LILRB4: variants seen among roughly 807,000 people sequenced by gnomAD.
LILRB4 encodes the protein leukocyte immunoglobulin-like receptor subfamily B member 4.
LILRB4 carries 49 observed loss-of-function variants against 55.2 expected under a neutral mutation model. The ratio of observed to expected loss-of-function variants is 0.89; its 90% CI spans 0.71 to 1.13. LILRB4 has a LOEUF of 1.13. Among genes scored for constraint, LILRB4 ranks in the 50% most tolerant of loss-of-function variants. LILRB4 has a pLI of 0.00. For synonymous variants in LILRB4, 229 were observed against 213.8 expected, an observed-to-expected ratio of 1.07 and a Z score of -0.62; for missense variants, 590 against 555.2, an observed-to-expected ratio of 1.06 and a Z score of -0.63.
chr19:54,665,963 A>G lies in LILRB4; in HGVS notation c.874+32A>G. Reference sequence around the variant, plus strand: ...AGGAAATTGGGGGACCCGTGGGCTGATGGAGGGTGGGCTCAGGGCACCAGC... The same window carrying G: ...AGGAAATTGGGGGACCCGTGGGCTGGTGGAGGGTGGGCTCAGGGCACCAGC... On this transcript the variant is annotated intron_variant, in intron 7 of 11. Transcript: ENST00000430952. This position sits in a 1 kb window ranked among gnomAD's most constrained non-coding sequence, Gnocchi z 5.5. 1 of 1,613,602 alleles carries G rather than the reference A, an allele frequency of 6.2e-7. No homozygotes were observed. The highest frequency in any genetic ancestry group is 8.5e-7 in the Non-Finnish European group (1 of 1,179,730).
intron 1 of LILRB4, 146 bp downstream of exon 1, chr19:54,663,213 G>A (rs545163373): frequency 3.4e-4 from 306 of 912,280 alleles, no homozygotes; most frequent in Middle Eastern, 1.7e-3. Flanking sequence ...TTGGGAGGCC[G>A]AGGCGGGCGG....
rs1378454908 is a variant in LILRB4, at chr19:54,666,285, C to T, written c.920C>T (p.Pro307Leu). The T allele has an allele frequency of 6.2e-7, 1 of 1,609,882 alleles. No homozygotes were observed. The highest frequency in any genetic ancestry group is 1.3e-5 in the African/African-American group (1 of 74,794). The change falls in exon 8 of 12, where the codon CCA becomes CTA. Residue 307 changes from proline to leucine, a missense_variant. Physicochemically the swap from Pro to Leu is moderately conservative, Grantham distance 98. Transcript: ENST00000430952. The surrounding 1 kb of genome is among the most constrained non-coding windows in gnomAD (Gnocchi z 4.8). ...CAACGTCCTCCAGGGGCTGCCGAGCCAGAGCCCAAGGACGGGGGCCTACAG... is the reference window on the plus strand; with the variant it reads ...CAACGTCCTCCAGGGGCTGCCGAGCTAGAGCCCAAGGACGGGGGCCTACAG...
chr19:54,666,762 C>A lies in LILRB4; in HGVS notation c.1041+13C>A. On this transcript the variant is annotated intron_variant, in intron 10 of 11. Coordinates refer to ENST00000430952, the Ensembl canonical transcript of LILRB4. This position sits in a 1 kb window ranked among gnomAD's most constrained non-coding sequence, Gnocchi z 4.8. ...AATGGACACTCGGGTGAGAACCCGC[C>A]CCTGTCCCCGGCACCAAAGGCCTCC... is the stretch of plus-strand genomic sequence containing the variant. 1 of 1,613,208 alleles carries A rather than the reference C, an allele frequency of 6.2e-7. No individual in the cohort carries two copies. Among genetic ancestry groups the A allele is most frequent in the Non-Finnish European group, 8.5e-7 (1 of 1,179,238 alleles).
chr19:54,666,192 G>C lies in LILRB4; in HGVS notation c.875-48G>C. 1 of 1,510,118 alleles carries C rather than the reference G, an allele frequency of 6.6e-7. No homozygotes were observed. The highest frequency in any genetic ancestry group is 8.9e-7 in the Non-Finnish European group (1 of 1,120,964). 93.5% of individuals were successfully genotyped at this position (1,510,118 alleles called of 1,614,324 possible). On this transcript the variant is annotated intron_variant, in intron 7 of 11. Coordinates refer to ENST00000430952, the Ensembl canonical transcript of LILRB4. The surrounding 1 kb of genome is among the most constrained non-coding windows in gnomAD (Gnocchi z 4.8). ...CCTCTTGACTTGCATGTGCAAGGCA[G>C]GTGGTTCTAACGTTCCCAGAGCTGA...
Position 54,664,981 on chromosome 19 carries a change from G to A in LILRB4, c.706+132G>A, listed in dbSNP as rs770312867. 3.0e-5 allele frequency: 41 copies of A among 1,351,288 alleles called. No homozygotes were observed. In the East Asian group the frequency reaches 5.0e-4, roughly 17 times the overall value. The allele number at this position is 1,351,288 out of a possible 1,614,324, so 83.7% of individuals were successfully genotyped here. A position where few individuals can be genotyped will look rare whatever the true frequency, so the allele number is the denominator to read the frequency against. ...TCCACGGGTGTGGGAGTCGGGCAGC[G>A]ACTTGGGAGGCACCACAGGCTCCCA... On this transcript the variant is annotated intron_variant, in intron 5 of 11. Transcript: ENST00000430952.
rs1048527994 is a variant in LILRB4 at position 54,666,652 on chromosome 19, C to T, written c.989-45C>T. On this transcript the variant is annotated intron_variant, in intron 9 of 11. Coordinates refer to ENST00000430952, the Ensembl canonical transcript of LILRB4. The surrounding 1 kb of genome is among the most constrained non-coding windows in gnomAD (Gnocchi z 4.8). ...AGGGACCAGCAGGAATGAGAGGTCC[C>T]AGGGAACCTTCCCAGGAGATGAACC... 1.9e-6 allele frequency: 3 copies of T among 1,601,072 alleles called. No individual in the cohort carries two copies. Among genetic ancestry groups the T allele is most frequent in the African/African-American group, 1.3e-5 (1 of 74,628 alleles).
intron 2 of LILRB4, 63 bp from the exon 3 acceptor site, chr19:54,663,691 G>C (rs1242645324): frequency 6.2e-7 from 1 of 1,608,606 alleles, no homozygotes; most frequent in Admixed American, 1.7e-5. Flanking sequence ...GGGTCCTGGG[G>C]CTGAGAGCTG....
chr19:54,666,527 G>C lies in LILRB4; in HGVS notation c.988+91G>C. The C allele has an allele frequency of 6.6e-7, 1 of 1,519,896 alleles. No homozygotes were observed. The highest frequency in any genetic ancestry group is 9.1e-7 in the Non-Finnish European group (1 of 1,104,430). The allele number at this position is 1,519,896 out of a possible 1,614,324, so 94.2% of individuals were successfully genotyped here. On this transcript the variant is annotated intron_variant, in intron 9 of 11. Transcript: ENST00000430952. This position sits in a 1 kb window ranked among gnomAD's most constrained non-coding sequence, Gnocchi z 4.8. ...GGGGGCAGGAGCACAGGCTAGGATT[G>C]GTCAGGGACTCAGGGAGAAGTGGTC...
rs1299885166 is a variant in LILRB4, at chr19:54,665,206, G to A, written c.757+26G>A. On this transcript the variant is annotated intron_variant, in intron 6 of 11. Coordinates refer to ENST00000430952, the Ensembl canonical transcript of LILRB4. The surrounding 1 kb of genome is among the most constrained non-coding windows in gnomAD (Gnocchi z 5.5). ...GTGAGTGAGGGGCTCTGAGTGGGAG[G>A]TGGGCAGGGTCTAGGGGAGCCAAGG... is the stretch of plus-strand genomic sequence containing the variant. 4 of 1,578,836 alleles carry A rather than the reference G, an allele frequency of 2.5e-6. No homozygotes were observed. Among genetic ancestry groups the A allele is most frequent in the African/African-American group, 2.7e-5 (2 of 74,382 alleles).
chr19:54,663,302 CG>C lies in LILRB4; in HGVS notation c.35-225del, dbSNP rs941491711. ...TCTACTAAAAATACAAAAAATTAGCCGGGGGTGGTTGCAGGCGCCTGTGGTC... is the reference window on the plus strand; with the variant it reads ...TCTACTAAAAATACAAAAAATTAGCCGGGGTGGTTGCAGGCGCCTGTGGTC... On this transcript the variant is annotated intron_variant, in intron 1 of 11. Transcript: ENST00000430952. Among the ~76,000 whole-genome samples the C allele has an allele frequency of 9.2e-5, 14 of 151,908 alleles. 1 individual carries two copies. The highest frequency in any genetic ancestry group is 5.9e-4 in the Admixed American group (9 of 15,268).
Position 54,665,756 on chromosome 19 carries a change from A to G in LILRB4, c.758-59A>G, listed in dbSNP as rs557423818. 9.7e-6 allele frequency: 15 copies of G among 1,551,066 alleles called. No individual in the cohort carries two copies. The South Asian group carries it at 1.7e-4, about 17-fold the overall frequency. On this transcript the variant is annotated intron_variant, in intron 6 of 11. Transcript: ENST00000430952. The surrounding 1 kb of genome is among the most constrained non-coding windows in gnomAD (Gnocchi z 5.5). ...GACCCAGCACACACAGTAGGTGCAC[A>G]CACAGTAGGTGTGCACATCAATGAC...
At position 54,666,526 on chromosome 19, in the gene LILRB4, T is replaced by G; in HGVS notation, c.988+90T>G. 2 of 1,528,424 alleles carry G rather than the reference T, an allele frequency of 1.3e-6. No individual in the cohort carries two copies. The highest frequency in any genetic ancestry group is 1.8e-6 in the Non-Finnish European group (2 of 1,111,118). The allele number at this position is 1,528,424 out of a possible 1,614,324, so 94.7% of individuals were successfully genotyped here. On this transcript the variant is annotated intron_variant, in intron 9 of 11. Transcript: ENST00000430952. This position sits in a 1 kb window ranked among gnomAD's most constrained non-coding sequence, Gnocchi z 4.8. ...TGGGGGCAGGAGCACAGGCTAGGATTGGTCAGGGACTCAGGGAGAAGTGGT... is the reference window on the plus strand; with the variant it reads ...TGGGGGCAGGAGCACAGGCTAGGATGGGTCAGGGACTCAGGGAGAAGTGGT...
chr19:54,663,046 T>C (rs28366008), exon 1 of LILRB4: 405,932 of 1,613,290 alleles, frequency 0.25, 52,779 homozygotes, highest in African/African-American at 0.43. Context: ...GATCCCCACC[T>C]TCACGGCTCT....
chr19:54,666,306 T>G lies in LILRB4; in HGVS notation c.941T>G (p.Leu314Arg). ...GAGCCAGAGCCCAAGGACGGGGGCC[T>G]ACAGAGGAGGTAATTCTGCCCAAAG... Residue 314 changes from leucine to arginine, a missense_variant, in exon 8 of 12, where the codon CTA becomes CGA. Physicochemically the swap from Leu to Arg is moderately radical, Grantham distance 102. Coordinates refer to ENST00000430952, the Ensembl canonical transcript of LILRB4. This position sits in a 1 kb window ranked among gnomAD's most constrained non-coding sequence, Gnocchi z 4.8. 6.2e-7 allele frequency: 1 copy of G among 1,610,202 alleles called. No individual in the cohort carries two copies. The highest frequency in any genetic ancestry group is 8.5e-7 in the Non-Finnish European group (1 of 1,177,930).
chr19:54,665,059 G>A lies in LILRB4; in HGVS notation c.707-71G>A. 6.3e-7 allele frequency: 1 copy of A among 1,574,920 alleles called. No individual in the cohort carries two copies. Among genetic ancestry groups the A allele is most frequent in the Non-Finnish European group, 8.7e-7 (1 of 1,147,250 alleles). Reference sequence around the variant, plus strand: ...TGAGGGGGTCAAGGCTGAAGGAGATGTTGCGGGGAGAAGCCGAGCTGATGT... The same window carrying A: ...TGAGGGGGTCAAGGCTGAAGGAGATATTGCGGGGAGAAGCCGAGCTGATGT... On this transcript the variant is annotated intron_variant, in intron 5 of 11. Transcript: ENST00000430952. This position sits in a 1 kb window ranked among gnomAD's most constrained non-coding sequence, Gnocchi z 5.5.
rs1351550817 is a variant in LILRB4, at chr19:54,666,218, G to C, written c.875-22G>C. The C allele has an allele frequency of 6.4e-7, 1 of 1,567,694 alleles. No homozygotes were observed. Among genetic ancestry groups the C allele is most frequent in the South Asian group, 1.2e-5 (1 of 83,510 alleles). On this transcript the variant is annotated intron_variant, in intron 7 of 11. Coordinates refer to ENST00000430952, the Ensembl canonical transcript of LILRB4. The surrounding 1 kb of genome is among the most constrained non-coding windows in gnomAD (Gnocchi z 4.8). ...GTGGTTCTAACGTTCCCAGAGCTGA[G>C]ACTCTGTCCATCTTCCCCCAGCCCA...
In LILRB4 at chr19:54,665,129, G is replaced by A. The variant is rs1168434383; in HGVS notation, c.707-1G>A. The A allele has an allele frequency of 1.9e-6, 3 of 1,608,832 alleles. No individual in the cohort carries two copies. In the Admixed American group the frequency reaches 5.0e-5, roughly 27 times the overall value. ...GCCCTCACATCCCTGTTCTAACCCA[G>A]CAGGCCCTGAGGACCAGCCCCTCAT... On this transcript the variant is annotated splice_acceptor_variant, in intron 5 of 11. Transcript: ENST00000430952. LOFTEE classifies it high-confidence loss of function. The surrounding 1 kb of genome is among the most constrained non-coding windows in gnomAD (Gnocchi z 5.5).
exon 3 of LILRB4, chr19:54,663,908 G>T: frequency 6.2e-7 from 1 of 1,614,122 alleles, no homozygotes; most frequent in Non-Finnish European, 8.5e-7. Context: ...AGAACCCACT[G>T]GAGCCCAAGA....
At chr19:54,668,104 C>A (rs942337666) in exon 12 of LILRB4, 1 of 1,509,748 alleles carries the variant, frequency 6.6e-7, no homozygotes, top group Non-Finnish European at 9.1e-7. Flanking sequence ...CATCACTGAA[C>A]CCCAGCCAGC....
Sources: allele counts gnomAD v4.1 joint callset (sites outside exome capture counted in the v4.1 genomes callset), GRCh38; gene constraint gnomAD v4.1.1; non-coding constraint Gnocchi (gnomAD v3.1); transcripts MANE v1.5; gene names NCBI Gene and HGNC (gene_info 2026-07-23, HGNC 2026-07-21).